Variants in PIGA observed in about 807,000 individuals in gnomAD.
PIGA encodes phosphatidylinositol glycan anchor biosynthesis class A, also known as phosphatidylinositol N-acetylglucosaminyltransferase subunit A.
PIGA carries 3 observed loss-of-function variants against 17.1 expected under a neutral mutation model. That is an observed-to-expected ratio of 0.18 (90% CI 0.08 to 0.45). The LOEUF is 0.45. Among genes scored for constraint, PIGA ranks in the 20% least tolerant of loss-of-function variants. The pLI is 0.99. For synonymous variants in PIGA, 126 were observed against 135.1 expected, an observed-to-expected ratio of 0.93 and a Z score of 0.47; for missense variants, 231 against 374.1, an observed-to-expected ratio of 0.62 and a Z score of 3.16.
At chrX:15,325,498 C>G (rs1041300230) in intron 3 of PIGA, 1 of 156,091 alleles carries the variant, frequency 6.4e-6, no homozygotes. Flanking sequence ...AAAATTGATG[C>G]TTTACACGTA....
At chrX:15,323,038 G>C (rs1748007384) in intron 5 of PIGA, among the ~76,000 whole-genome samples, 2 of 111,306 alleles carry the variant, frequency 1.8e-5, no homozygotes, top group Admixed American at 1.9e-4. Flanking sequence ...ATCCATTATA[G>C]GCAAGGATTT....
chrX:15,331,603 G>C lies in PIGA; in HGVS notation c.328C>G (p.Leu110Val), dbSNP rs751436894. ...ACAAATATGTACCTGAGCAATGGCA[G>C]ACTGTGAAAGAGGGTCGTGGCTGTA... ...QSTATTLFHS[L>V]PLLRYIFVRE... Residue 110 changes from leucine to valine, a missense_variant, in exon 2 of 6, where the codon CTG becomes GTG. Physicochemically the swap from Leu to Val is conservative, Grantham distance 32 (BLOSUM62 1). This residue lies in a region of PIGA where 83 missense variants were observed against 190.1 expected (regional missense o/e 0.44). Coordinates refer to ENST00000333590, the MANE Select transcript of PIGA (RefSeq NM_002641.4). The C allele has an allele frequency of 8.3e-7, 1 of 1,212,015 alleles. No individual in the cohort carries two copies. The highest frequency in any genetic ancestry group is 3.0e-5 in the East Asian group (1 of 33,873).
At chrX:15,328,886 T>C (rs918667031) in intron 2 of PIGA, 7 of 112,348 alleles carry the variant, frequency 6.2e-5, no homozygotes, top group African/African-American at 2.3e-4. Context: ...AAAAAATAAA[T>C]TAGGTACAAT....
At position 15,331,909 on chromosome X, in the gene PIGA, C is replaced by T. The variant is rs1256797925; in HGVS notation, c.22G>A (p.Gly8Arg). Reference sequence around the variant, plus strand: ...GTAGCTGAGGCACGGTGGCCATTCCCAGCTCCTCCTCTACAGGCCATGCTG... The same window carrying T: ...GTAGCTGAGGCACGGTGGCCATTCCTAGCTCCTCCTCTACAGGCCATGCTG... The part of the protein sequence containing the change: MACRGGA[G>R]NGHRASATLS... Residue 8 changes from glycine (G) to arginine (R), a missense_variant, in exon 2 of 6, where the codon GGG becomes AGG. Physicochemically the swap from Gly to Arg is moderately radical, Grantham distance 125. Around this residue, in one of 5 missense-constraint regions of PIGA, gnomAD observed 29 missense variants for 28.1 expected, o/e 1.03. Coordinates refer to ENST00000333590, the MANE Select transcript of PIGA (RefSeq NM_002641.4). 8.3e-7 allele frequency: 1 copy of T among 1,206,103 alleles called. No homozygotes were observed. The highest frequency in any genetic ancestry group is 1.1e-6 in the Non-Finnish European group (1 of 891,734).
intron 5 of PIGA, among the ~76,000 whole-genome samples, chrX:15,322,486 C>CT (rs1208641104): frequency 8.9e-6 from 1 of 112,334 alleles, no homozygotes; most frequent in African/African-American, 3.2e-5. Flanking sequence ...TAAAACACTG[C>CT]TAAGTACTAA....
In PIGA at chrX:15,332,045, T is replaced by C. The variant is rs1602212546; in HGVS notation, c.-62-53A>G. On this transcript the variant is annotated intron_variant, in intron 1 of 5. Coordinates refer to ENST00000333590, the MANE Select transcript of PIGA (RefSeq NM_002641.4). ...CTCAGAAACAAAACACATTCCATATTACAAATCCAGATATAGATATTGTTT... is the reference window on the plus strand; with the variant it reads ...CTCAGAAACAAAACACATTCCATATCACAAATCCAGATATAGATATTGTTT... 4 of 809,503 alleles carry C rather than the reference T, an allele frequency of 4.9e-6. No homozygotes were observed. The East Asian group carries it at 1.3e-4, about 27-fold the overall frequency. The allele number at this position is 809,503 out of a possible 1,213,427, so 66.7% of individuals were successfully genotyped here.
chrX:15,334,633 G>A (rs148833809), intron 1 of PIGA, among the ~76,000 whole-genome samples: 1 of 111,736 alleles, frequency 8.9e-6, no homozygotes, highest in East Asian at 2.8e-4. Flanking sequence ...TCTTACTGTG[G>A]TCACCTAAAC....
intron 5 of PIGA, 89 bp from the exon 6 acceptor site, chrX:15,321,861 A>T: frequency 1.1e-6 from 1 of 870,561 alleles, no homozygotes; most frequent in Admixed American, 2.9e-5. Flanking sequence ...CTGCAGGAAC[A>T]TTTTATAAAC....
chrX:15,325,432 CTT>C (rs1465934824), intron 3 of PIGA, among the ~76,000 whole-genome samples: 1 of 112,269 alleles, frequency 8.9e-6, no homozygotes, highest in Admixed American at 9.4e-5. Flanking sequence ...TATTAATAAA[CTT>C]TGATAATTTA....
At chrX:15,326,245 G>A (rs1392233619) in intron 2 of PIGA, 199 bp from the exon 3 acceptor site, 3 of 295,690 alleles carry the variant, frequency 1.0e-5, no homozygotes, top group Admixed American at 6.0e-5. Context: ...TCTTGAAGAC[G>A]TAGACCTTGA....
chrX:15,329,741 C>T (rs1922094378), intron 2 of PIGA, among the ~76,000 whole-genome samples: 1 of 111,212 alleles, frequency 9.0e-6, no homozygotes, highest in Admixed American at 9.6e-5. Context: ...AGTAAACAAG[C>T]CTCCACACAT....
intron 5 of PIGA, among the ~76,000 whole-genome samples, chrX:15,323,096 T>A (rs1298672595): frequency 8.9e-6 from 1 of 111,891 alleles, no homozygotes; most frequent in Non-Finnish European, 1.9e-5. Flanking sequence ...TTAAAAAAAA[T>A]ACAGATGCTG....
At chrX:15,326,184 C>T in intron 2 of PIGA, 138 bp from the exon 3 acceptor site, 2 of 371,095 alleles carry the variant, frequency 5.4e-6, no homozygotes. Context: ...TAAACCTTTT[C>T]CAGGAGTGGA....
intron 1 of PIGA, among the ~76,000 whole-genome samples, chrX:15,332,926 A>G (rs760392691): frequency 7.3e-4 from 82 of 112,137 alleles, no homozygotes; most frequent in African/African-American, 2.3e-3. Context: ...CACCCAGCTG[A>G]GCCTAGCTCA....
Position 15,324,667 on chromosome X carries a change from T to C in PIGA, c.1186A>G (p.Lys396Glu), listed in dbSNP as rs1921916627. The C allele has an allele frequency of 4.2e-6, 5 of 1,180,231 alleles. No individual in the cohort carries two copies. The South Asian group carries it at 8.9e-5, about 21-fold the overall frequency. The change falls in exon 5 of 6, where the codon AAG becomes GAG. Residue 396 changes from lysine (K) to glutamate (E), a missense_variant and splice_region_variant. Coordinates refer to ENST00000333590, the MANE Select transcript of PIGA (RefSeq NM_002641.4). ...TWRNVAERTE[K>E]VYDRVSVEAV... is the part of the protein sequence containing the mutation. ...TCTTTTCTCAGCATGTGACATACCT[T>C]TTCAGTTCTTTCTGCAACATTCCTC... is the stretch of plus-strand genomic sequence containing the variant.
chrX:15,329,024 T>C (rs1922070626), intron 2 of PIGA: 1 of 112,165 alleles, frequency 8.9e-6, no homozygotes, highest in South Asian at 3.7e-4. Context: ...GAAAATGAAG[T>C]TCAGGCCAAG....
chrX:15,333,327 C>T (rs1049496365), intron 1 of PIGA, among the ~76,000 whole-genome samples: 2 of 112,372 alleles, frequency 1.8e-5, no homozygotes. Context: ...TTGAGAGCAC[C>T]TTTTTCAAAT....
At chrX:15,327,282 G>C (rs1175731965) in intron 2 of PIGA, 1 of 106,484 alleles carries the variant, frequency 9.4e-6, no homozygotes, top group Non-Finnish European at 1.9e-5. Flanking sequence ...CAAAAAAAAA[G>C]TAAAAGTAAA....
At chrX:15,332,589 T>C (rs1395657941) in intron 1 of PIGA, among the ~76,000 whole-genome samples, 2 of 112,401 alleles carry the variant, frequency 1.8e-5, no homozygotes, top group Non-Finnish European at 3.8e-5. Flanking sequence ...TTCTGGTATT[T>C]ATGCCCTTCT....
Sources: gnomAD v4.1 joint callset for allele counts (sites outside exome capture counted in the v4.1 genomes callset) on GRCh38, gnomAD v4.1.1 for gene constraint, gnomAD v4.1.1 regional missense constraint, MANE v1.5 for transcripts, NCBI Gene and HGNC (gene_info 2026-07-23, HGNC 2026-07-21) for gene names.